Variants in CDC5L observed in about 807,000 individuals in gnomAD.
CDC5L encodes the protein cell division cycle 5-like protein.
CDC5L carries 18 observed loss-of-function variants against 104.1 expected under a neutral mutation model. The observed-to-expected ratio is 0.17, with a 90% CI of 0.12 to 0.26. The LOEUF (loss-of-function observed/expected upper bound fraction) is 0.26. Among genes scored for constraint, CDC5L ranks in the 10% least tolerant of loss-of-function variants. The probability of loss-of-function intolerance (pLI) is 1.00; values close to 1 mark genes in which losing one functional copy is unlikely to be tolerated. For synonymous variants in CDC5L, 331 were observed against 322.7 expected, an observed-to-expected ratio of 1.03 and a Z score of -0.28; for missense variants, 673 against 956.9, an observed-to-expected ratio of 0.70 and a Z score of 3.91.
At chr6:44,404,720 G>A (rs997436672) in intron 6 of CDC5L, among the ~76,000 whole-genome samples, 1 of 151,838 alleles carries the variant, frequency 6.6e-6, no homozygotes, top group African/African-American at 2.4e-5. Flanking sequence ...TTTAAGACAA[G>A]GTCTCACTCT....
intron 8 of CDC5L, among the ~76,000 whole-genome samples, chr6:44,413,776 G>A (rs770108217): frequency 4.6e-5 from 7 of 152,040 alleles, no homozygotes; most frequent in South Asian, 4.2e-4. Flanking sequence ...TAGAGATGGG[G>A]GTCTCACTGT....
At position 44,444,115 on chromosome 6, in the gene CDC5L, G is replaced by A. The variant is rs115882588; in HGVS notation, c.2092-1540G>A. 7.9e-3 allele frequency among the ~76,000 whole-genome samples: 1,207 copies of A among 152,294 alleles called. 21 individuals carry two copies. Among genetic ancestry groups the A allele is most frequent in the African/African-American group, 0.028 (1,154 of 41,542 alleles). On this transcript the variant is annotated intron_variant, in intron 14 of 15. Transcript: ENST00000371477. ...GGCAGAAGCCAGATGCATAGATGTA[G>A]CTGGGAAGGTTGAGGTGTTGGGTAT...
At chr6:44,408,723 CT>C in intron 8 of CDC5L, 91 bp downstream of exon 8, 1 of 932,802 alleles carries the variant, frequency 1.1e-6, no homozygotes, top group Non-Finnish European at 1.5e-6. Context: ...GGTTGTGTTT[CT>C]TTTAGTGTAA....
intron 5 of CDC5L, 48 bp downstream of exon 5, chr6:44,396,488 CA>C: frequency 8.9e-7 from 1 of 1,122,530 alleles, no homozygotes; most frequent in Non-Finnish European, 1.3e-6. Flanking sequence ...TCTCACATAA[CA>C]ATCAACACAG....
intron 5 of CDC5L, among the ~76,000 whole-genome samples, chr6:44,402,414 A>G (rs1243782677): frequency 1.3e-5 from 2 of 152,196 alleles, no homozygotes; most frequent in East Asian, 1.9e-4. Context: ...TATTTGCTGT[A>G]TCTGCTTCAG....
At chr6:44,442,574 A>G (rs963129800) in intron 14 of CDC5L, among the ~76,000 whole-genome samples, 1 of 152,142 alleles carries the variant, frequency 6.6e-6, no homozygotes. Context: ...TACACAAACT[A>G]TACACTTTTA....
intron 5 of CDC5L, among the ~76,000 whole-genome samples, chr6:44,401,496 G>T (rs1791122833): frequency 6.6e-6 from 1 of 152,034 alleles, no homozygotes; most frequent in South Asian, 2.1e-4. Context: ...AATCCTCCTG[G>T]AATGAAAGCC....
chr6:44,408,109 G>T (rs556599656), intron 7 of CDC5L, among the ~76,000 whole-genome samples: 1 of 152,086 alleles, frequency 6.6e-6, no homozygotes, highest in Non-Finnish European at 1.5e-5. Flanking sequence ...CTCACATTCT[G>T]TAGGGAAGGC....
chr6:44,399,987 AT>A (rs1246097917), intron 5 of CDC5L, among the ~76,000 whole-genome samples: 2 of 150,776 alleles, frequency 1.3e-5, no homozygotes, highest in Non-Finnish European at 3.0e-5. Context: ...ATTTTTTTTC[AT>A]TTTTGTTATT....
At chr6:44,387,926 A>G in intron 1 of CDC5L, 58 bp downstream of exon 1, 4 of 1,522,790 alleles carry the variant, frequency 2.6e-6, no homozygotes, top group Non-Finnish European at 2.7e-6. Flanking sequence ...GCTTGTGCGC[A>G]CGCGCGCGGA....
At chr6:44,406,090 T>C (rs1232984315) in intron 6 of CDC5L, among the ~76,000 whole-genome samples, 1 of 151,930 alleles carries the variant, frequency 6.6e-6, no homozygotes, top group Non-Finnish European at 1.5e-5. Flanking sequence ...TTAGTAGAGA[T>C]GGGGTTTCGC....
At position 44,445,826 on chromosome 6, in the gene CDC5L, C is replaced by T. The variant is rs1290315090; in HGVS notation, c.2263C>T (p.Leu755Phe). The T allele has an allele frequency of 6.2e-7, 1 of 1,613,936 alleles. No individual in the cohort carries two copies. ...CTTGGAGTTACGCACTTTTGAAGAA[C>T]TCAAGAAACATGAAGATTCTGCTAT... ...AHLELRTFEE[L>F]KKHEDSAIPR... The change falls in exon 15 of 16, where the codon CTC becomes TTC. Residue 755 changes from leucine (L) to phenylalanine (F), a missense_variant. Physicochemically the swap from Leu to Phe is conservative, Grantham distance 22 (BLOSUM62 0). This residue lies in a region of CDC5L where 578 missense variants were observed against 737.0 expected (regional missense o/e 0.78). Coordinates refer to ENST00000371477, the MANE Select transcript of CDC5L (RefSeq NM_001253.4).
At chr6:44,396,746 C>T (rs565753397) in intron 5 of CDC5L, among the ~76,000 whole-genome samples, 12 of 152,264 alleles carry the variant, frequency 7.9e-5, no homozygotes, top group African/African-American at 2.9e-4. Flanking sequence ...AGCTGGGTTC[C>T]ACTGCCCCTT....
chr6:44,428,926 A>G (rs929623670), intron 13 of CDC5L, among the ~76,000 whole-genome samples: 10 of 151,078 alleles, frequency 6.6e-5, no homozygotes, highest in Admixed American at 5.9e-4. Context: ...GGGCACACCC[A>G]GTGGTGCCAT....
Position 44,446,729 on chromosome 6 carries a change from G to A in CDC5L, c.*18G>A, listed in dbSNP as rs1472208718. On this transcript the variant is annotated 3_prime_UTR_variant, in exon 16 of 16. Transcript: ENST00000371477. The stretch of plus-strand genomic sequence containing the variant: ...AATTCTGAAGTACAGTTTATATTCT[G>A]TCACAGGATTAATTAATTGCCGGTT... The A allele has an allele frequency of 8.3e-7, 1 of 1,209,206 alleles. No homozygotes were observed. The highest frequency in any genetic ancestry group is 1.2e-6 in the Non-Finnish European group (1 of 838,510). 74.9% of individuals were successfully genotyped at this position (1,209,206 alleles called of 1,614,324 possible). A position where few individuals can be genotyped will look rare whatever the true frequency, so the allele number is the denominator to read the frequency against.
chr6:44,438,488 G>A (rs150446951), intron 14 of CDC5L, among the ~76,000 whole-genome samples: 223 of 152,236 alleles, frequency 1.5e-3, no homozygotes, highest in Middle Eastern at 3.4e-3. Context: ...TGGAGTTAGG[G>A]CACTGGTGCT....
intron 10 of CDC5L, 140 bp from the exon 11 acceptor site, chr6:44,424,279 A>T: frequency 1.4e-6 from 1 of 725,312 alleles, no homozygotes; most frequent in Non-Finnish European, 2.2e-6. Context: ...GAAACCATCC[A>T]ATTATTCTTA....
At chr6:44,428,768 A>G (rs998773913) in intron 13 of CDC5L, among the ~76,000 whole-genome samples, 7 of 152,326 alleles carry the variant, frequency 4.6e-5, no homozygotes, top group Admixed American at 2.0e-4. Context: ...TTTATGATCT[A>G]TCATCTAATT....
chr6:44,441,442 A>T (rs1239448204), intron 14 of CDC5L, among the ~76,000 whole-genome samples: 2 of 152,224 alleles, frequency 1.3e-5, no homozygotes, highest in African/African-American at 4.8e-5. Flanking sequence ...TCTCTTTGAC[A>T]TACTGATTTC....
Sources: allele counts gnomAD v4.1 joint callset (sites outside exome capture counted in the v4.1 genomes callset), GRCh38; gene constraint gnomAD v4.1.1; regional missense constraint gnomAD v4.1.1; transcripts MANE v1.5; gene names NCBI Gene and HGNC (gene_info 2026-07-23, HGNC 2026-07-21).